EFHC2: variants seen among roughly 807,000 people sequenced by gnomAD.
EFHC2 encodes the protein EF-hand domain containing 2, also known as EF-hand domain-containing family member C2.
Under a neutral mutation model 52.7 loss-of-function variants are expected in EFHC2, and 18 were observed. The ratio of observed to expected loss-of-function variants is 0.34; its 90% confidence interval spans 0.24 to 0.51. The LOEUF (loss-of-function observed/expected upper bound fraction) is 0.51, where lower values mean the gene tolerates loss of function less well. Ranked by LOEUF, EFHC2 falls within the 20% of genes least tolerant of loss-of-function variation. The pLI, the probability that EFHC2 is intolerant of heterozygous loss-of-function variation, is 0.97. For missense variants in EFHC2, 513 were observed against 562.5 expected (o/e 0.91, Z 0.89); for synonymous variants, 203 against 204.1 (o/e 0.99, Z 0.04).
chrX:44,188,512 T>C (rs1475170898), intron 11 of EFHC2, among the ~76,000 whole-genome samples: 1 of 111,376 alleles, frequency 9.0e-6, no homozygotes, highest in Non-Finnish European at 1.9e-5. Flanking sequence ...AATAGAGGAA[T>C]GGACCAGATT....
At chrX:44,163,871 C>T (rs2036675894) in intron 14 of EFHC2, 51 bp downstream of exon 14, 2 of 817,210 alleles carry the variant, frequency 2.4e-6, no homozygotes, top group East Asian at 3.5e-5. Context: ...GGATATTAAA[C>T]ATGCAAGGGA....
intron 1 of EFHC2, among the ~76,000 whole-genome samples, chrX:44,314,779 C>T (rs187834238): frequency 5.4e-5 from 6 of 111,479 alleles, no homozygotes; most frequent in East Asian, 5.6e-4. Context: ...CAAGTAACTC[C>T]GAGTAATCAC....
chrX:44,278,069 A>C (rs2037673794), intron 2 of EFHC2, among the ~76,000 whole-genome samples: 1 of 112,038 alleles, frequency 8.9e-6, no homozygotes, highest in African/African-American at 3.2e-5. Flanking sequence ...GGGAACTTTA[A>C]AAAAAATTTG....
chrX:44,210,397 A>G (rs73481090), intron 11 of EFHC2, among the ~76,000 whole-genome samples: 7,178 of 112,166 alleles, frequency 0.064, 250 homozygotes, highest in Admixed American at 0.14. Context: ...AAAAAGAAGA[A>G]CAAAGTTGGA....
At chrX:44,176,423 G>T (rs371762068) in intron 12 of EFHC2, 39 bp from the exon 13 acceptor site, 160 of 932,140 alleles carry the variant, frequency 1.7e-4, no homozygotes, top group Non-Finnish European at 2.3e-4. Flanking sequence ...TATATACCTT[G>T]TATACCTTTA....
intron 2 of EFHC2, among the ~76,000 whole-genome samples, chrX:44,306,955 C>T (rs1184344646): frequency 8.9e-6 from 1 of 112,147 alleles, no homozygotes; most frequent in Non-Finnish European, 1.9e-5. Context: ...GAGCCTGAAT[C>T]ATAGCAAAGA....
rs949823505 is a variant in EFHC2 at position 44,148,578 on chromosome X, T to A, written c.*217A>T. The A allele has an allele frequency of 1.8e-5, 6 of 341,090 alleles. 1 individual carries two copies. Among genetic ancestry groups the A allele is most frequent in the Non-Finnish European group, 3.0e-5 (6 of 199,466 alleles). 28.1% of individuals were successfully genotyped at this position (341,090 alleles called of 1,213,427 possible). ...ATACATATAATAAAAATATTCAACA[T>A]GTTTTAAGATGGCATTTTAAATAGT... On this transcript the variant is annotated 3_prime_UTR_variant, in exon 15 of 15. Coordinates refer to ENST00000420999, the MANE Select transcript of EFHC2 (RefSeq NM_025184.4).
intron 2 of EFHC2, among the ~76,000 whole-genome samples, chrX:44,281,976 G>A (rs2037705172): frequency 9.0e-6 from 1 of 111,278 alleles, no homozygotes; most frequent in South Asian, 3.8e-4. Flanking sequence ...TTTTAAGTTA[G>A]TACAATTTTC....
intron 2 of EFHC2, among the ~76,000 whole-genome samples, chrX:44,311,612 T>TA (rs1298000262): frequency 8.9e-6 from 1 of 112,153 alleles, no homozygotes; most frequent in African/African-American, 3.2e-5. Flanking sequence ...TTAGCCTTTT[T>TA]AAAAAATATT....
chrX:44,327,490 C>G (rs774352163), intron 1 of EFHC2, among the ~76,000 whole-genome samples: 2 of 112,044 alleles, frequency 1.8e-5, no homozygotes, highest in African/African-American at 3.2e-5. Context: ...CTAAAACTAT[C>G]ATTCTTAGAT....
intron 11 of EFHC2, among the ~76,000 whole-genome samples, chrX:44,196,011 G>A (rs2036963341): frequency 8.9e-6 from 1 of 111,797 alleles, no homozygotes; most frequent in African/African-American, 3.3e-5. Context: ...GACCTCCCCA[G>A]GTTCAGGTGA....
chrX:44,299,388 G>C (rs1455747341), intron 2 of EFHC2, among the ~76,000 whole-genome samples: 1 of 111,633 alleles, frequency 9.0e-6, no homozygotes, highest in African/African-American at 3.3e-5. Context: ...TCTGAAGCCT[G>C]CTTCCTGGAG....
chrX:44,158,136 G>A (rs991232352), intron 14 of EFHC2, among the ~76,000 whole-genome samples: 1 of 111,488 alleles, frequency 9.0e-6, no homozygotes, highest in Non-Finnish European at 1.9e-5. Flanking sequence ...ACACTAGACT[G>A]GGAAGGTGTC....
At chrX:44,294,066 T>G (rs1014873018) in intron 2 of EFHC2, among the ~76,000 whole-genome samples, 2 of 111,639 alleles carry the variant, frequency 1.8e-5, no homozygotes, top group African/African-American at 6.5e-5. Flanking sequence ...TCTGGACATG[T>G]GCAAAGAATC....
intron 11 of EFHC2, 126 bp downstream of exon 11, chrX:44,229,523 T>C (rs2037258982): frequency 1.0e-6 from 1 of 969,188 alleles, no homozygotes; most frequent in Non-Finnish European, 1.4e-6. Flanking sequence ...CACAAAATAA[T>C]ACAAACTCAA....
chrX:44,225,084 T>C (rs1462623279), intron 11 of EFHC2, among the ~76,000 whole-genome samples: 1 of 110,602 alleles, frequency 9.0e-6, no homozygotes, highest in African/African-American at 3.3e-5. Flanking sequence ...ATCCTAAGGC[T>C]CTAAGAAAGG....
chrX:44,157,037 G>C (rs1389790472), intron 14 of EFHC2, among the ~76,000 whole-genome samples: 2 of 112,334 alleles, frequency 1.8e-5, no homozygotes, highest in Non-Finnish European at 3.8e-5. Flanking sequence ...CAGGCCATTG[G>C]CTACAGGCCA....
chrX:44,277,712 TTAA>T (rs948378761), intron 2 of EFHC2, among the ~76,000 whole-genome samples: 5 of 111,245 alleles, frequency 4.5e-5, no homozygotes, highest in Non-Finnish European at 7.5e-5. Flanking sequence ...CACAAAAATT[TTAA>T]TAAATTTTAA....
chrX:44,151,118 A>G (rs1244111326), intron 14 of EFHC2, among the ~76,000 whole-genome samples: 1 of 111,010 alleles, frequency 9.0e-6, no homozygotes, highest in African/African-American at 3.3e-5. Context: ...GGATTCCCAC[A>G]CAGGTTTCAG....
Sources: allele counts gnomAD v4.1 joint callset (sites outside exome capture counted in the v4.1 genomes callset), GRCh38; gene constraint gnomAD v4.1.1; transcripts MANE v1.5; gene names NCBI Gene and HGNC (gene_info 2026-07-23, HGNC 2026-07-21).